DPM3: variants seen among roughly 807,000 people sequenced by gnomAD.
The protein encoded by DPM3 is dolichol-phosphate mannosyltransferase subunit 3.
In DPM3, 7 loss-of-function variants were observed where a neutral mutation model predicts 8.9. That is an observed-to-expected ratio of 0.79 (90% CI 0.45 to 1.48). DPM3 has a LOEUF of 1.48. Ranked by LOEUF, DPM3 falls within the 40% of genes most tolerant of loss-of-function variation. The pLI is 0.01. For missense variants in DPM3, 108 were observed against 116.2 expected (o/e 0.93, Z 0.33); for synonymous variants, 41 against 56.3 (o/e 0.73, Z 1.22).
Position 155,140,017 on chromosome 1 carries a change from T to G in DPM3, c.224A>C (p.Gln75Pro). The G allele has an allele frequency of 6.2e-7, 1 of 1,613,968 alleles. No individual in the cohort carries two copies. The highest frequency in any genetic ancestry group is 8.5e-7 in the Non-Finnish European group (1 of 1,180,020). Residue 75 changes from glutamine to proline, a missense_variant, in exon 2 of 2, where the codon CAG (glutamine) becomes CCG (proline). By Grantham distance (76) the Gln-to-Pro change is moderately conservative (BLOSUM62 -1). Transcript: ENST00000368400. Reference protein sequence around the residue: ...HDCEDAARELQSQIQEARADL... With the variant: ...HDCEDAARELPSQIQEARADL... ...GGCTCGGGCCTCCTGTATCTGGCTC[T>G]GCAGCTCGCGTGCGGCGTCCTCGCA...
chr1:155,139,927 G>A lies in DPM3; in HGVS notation c.*35C>T, dbSNP rs1391298806. The A allele has an allele frequency of 1.3e-6, 2 of 1,569,872 alleles. No homozygotes were observed. Among genetic ancestry groups the A allele is most frequent in the Non-Finnish European group, 1.7e-6 (2 of 1,158,412 alleles). On this transcript the variant is annotated 3_prime_UTR_variant, in exon 2 of 2. Transcript: ENST00000368400. ...ACTGGCTCTTTAATGGGAAATGGGA[G>A]GAAGGGCTGTCCGCACAGGAATGGG...
rs777586354 is a variant in DPM3, at chr1:155,139,993, G to A, written c.248C>T (p.Ala83Val). Residue 83 changes from alanine to valine, a missense_variant, in exon 2 of 2, where the codon GCC becomes GTC. Physicochemically the swap from Ala to Val is moderately conservative, Grantham distance 64 (BLOSUM62 0). Coordinates refer to ENST00000368400, the MANE Select transcript of DPM3 (RefSeq NM_153741.2). ...ELQSQIQEAR[A>V]DLARRGLRF ...GCGCAGCCCCCTGCGGGCTAAGTCG[G>A]CTCGGGCCTCCTGTATCTGGCTCTG... 8.7e-6 allele frequency: 14 copies of A among 1,613,128 alleles called. No individual in the cohort carries two copies. In the African/African-American group the frequency reaches 1.9e-4, roughly 22 times the overall value.
chr1:155,140,078 C>T lies in DPM3; in HGVS notation c.163G>A (p.Gly55Ser), dbSNP rs1427865540. The change falls in exon 2 of 2, where the codon GGC becomes AGC. Residue 55 changes from glycine to serine, a missense_variant. Coordinates refer to ENST00000368400, the MANE Select transcript of DPM3 (RefSeq NM_153741.2). ...LLVSAGCYALGTVGYRVATFH... is the reference protein window; with the variant it reads ...LLVSAGCYALSTVGYRVATFH... ...GTGGCCACACGATAGCCCACAGTGC[C>T]CAGGGCATAGCAGCCGGCGGACACC... 2.5e-6 allele frequency: 4 copies of T among 1,613,978 alleles called. No homozygotes were observed. In the African/African-American group the frequency reaches 4.0e-5, roughly 16 times the overall value.
At position 155,139,946 on chromosome 1, in the gene DPM3, G is replaced by A. The variant is rs1222009551; in HGVS notation, c.*16C>T. On this transcript the variant is annotated 3_prime_UTR_variant, in exon 2 of 2. Coordinates refer to ENST00000368400, the MANE Select transcript of DPM3 (RefSeq NM_153741.2). ...ATGGGAGGAAGGGCTGTCCGCACAG[G>A]AATGGGGTTAGGCTGTCAGAAGCGC... The A allele has an allele frequency of 6.3e-7, 1 of 1,595,148 alleles. No individual in the cohort carries two copies.
rs1553190791 is a variant in DPM3, at chr1:155,140,056, G to A, written c.185C>T (p.Ala62Val). ...GGCGTCCTCGCAGTCATGAAAAGTG[G>A]CCACACGATAGCCCACAGTGCCCAG... ...YALGTVGYRV[A>V]TFHDCEDAAR... Residue 62 changes from alanine to valine, a missense_variant, in exon 2 of 2, where the codon GCC (alanine) becomes GTC (valine). Transcript: ENST00000368400. The A allele has an allele frequency of 6.2e-7, 1 of 1,614,034 alleles. No individual in the cohort carries two copies. Among genetic ancestry groups the A allele is most frequent in the South Asian group, 1.1e-5 (1 of 91,080 alleles).
Position 155,140,241 on chromosome 1 carries a change from G to A in DPM3, c.-1C>T. On this transcript the variant is annotated 5_prime_UTR_variant, in exon 2 of 2. Transcript: ENST00000368400. ...AAAGCCACTGCGCTAATTTCGTCATGGTCACTGCGAGAGAAGGAAGCAATG... is the reference window on the plus strand; with the variant it reads ...AAAGCCACTGCGCTAATTTCGTCATAGTCACTGCGAGAGAAGGAAGCAATG... The A allele has an allele frequency of 6.2e-7, 1 of 1,613,926 alleles. No individual in the cohort carries two copies. The highest frequency in any genetic ancestry group is 1.1e-5 in the South Asian group (1 of 91,026).
rs779989757 is a variant in DPM3, at chr1:155,140,127, C to T, written c.114G>A (p.Leu38=). 6.2e-7 allele frequency: 1 copy of T among 1,614,154 alleles called. No individual in the cohort carries two copies. Among genetic ancestry groups the T allele is most frequent in the Non-Finnish European group, 8.5e-7 (1 of 1,180,044 alleles). ...CCAGCAAGTAGGCGGGCAGTGGCCA[C>T]AGGACTTCCTGGCAGGACAAGGGCA... ...LELPLSCQEV[L]WPLPAYLLVS... The change falls in exon 2 of 2, where the codon CTG becomes CTA. Residue 38 remains leucine (L), a synonymous_variant. Coordinates refer to ENST00000368400, the MANE Select transcript of DPM3 (RefSeq NM_153741.2).
chr1:155,140,404 G>A lies in DPM3; in HGVS notation c.-6+87C>T. On this transcript the variant is annotated intron_variant, in intron 1 of 1. Coordinates refer to ENST00000368400, the MANE Select transcript of DPM3 (RefSeq NM_153741.2). Reference sequence around the variant, plus strand: ...CTTGAGTGCCCACAAAAGGTGGAAGGGCCCCTTCCACCTTGCTACCCCCTC... The same window carrying A: ...CTTGAGTGCCCACAAAAGGTGGAAGAGCCCCTTCCACCTTGCTACCCCCTC... The A allele has an allele frequency of 6.5e-6, 5 of 769,442 alleles. No homozygotes were observed. The East Asian group carries it at 8.0e-5, about 12-fold the overall frequency. The allele number at this position is 769,442 out of a possible 1,614,324, so 47.7% of individuals were successfully genotyped here.
chr1:155,139,997 G>C lies in DPM3; in HGVS notation c.244C>G (p.Arg82Gly), dbSNP rs749000879. The change falls in exon 2 of 2, where the codon CGA becomes GGA. Residue 82 changes from arginine (R) to glycine (G), a missense_variant. Coordinates refer to ENST00000368400, the MANE Select transcript of DPM3 (RefSeq NM_153741.2). The stretch of plus-strand genomic sequence containing the variant: ...AGCCCCCTGCGGGCTAAGTCGGCTC[G>C]GGCCTCCTGTATCTGGCTCTGCAGC... Reference protein sequence around the residue: ...RELQSQIQEARADLARRGLRF With the variant: ...RELQSQIQEAGADLARRGLRF 6.2e-7 allele frequency: 1 copy of C among 1,613,192 alleles called. No individual in the cohort carries two copies. The highest frequency in any genetic ancestry group is 1.1e-5 in the South Asian group (1 of 91,024).
At chr1:155,140,308 C>A in intron 1 of DPM3, 63 bp from the exon 2 acceptor site, 1 of 1,559,224 alleles carries the variant, frequency 6.4e-7, no homozygotes, top group Non-Finnish European at 8.8e-7. Flanking sequence ...CAAACTCAAC[C>A]GAAGCCCGCC....
At position 155,140,063 on chromosome 1, in the gene DPM3, G is replaced by A. The variant is rs766751249; in HGVS notation, c.178C>T (p.Arg60Cys). The change falls in exon 2 of 2, where the codon CGT becomes TGT. Residue 60 changes from arginine to cysteine, a missense_variant. Transcript: ENST00000368400. The stretch of plus-strand genomic sequence containing the variant: ...TCGCAGTCATGAAAAGTGGCCACAC[G>A]ATAGCCCACAGTGCCCAGGGCATAG... ...GCYALGTVGY[R>C]VATFHDCEDA... 28 of 1,613,934 alleles carry A rather than the reference G, an allele frequency of 1.7e-5. No individual in the cohort carries two copies. The highest frequency in any genetic ancestry group is 2.3e-5 in the Non-Finnish European group (27 of 1,180,046).
Position 155,140,140 on chromosome 1 carries a change from C to G in DPM3, c.101G>C (p.Cys34Ser). Residue 34 changes from cysteine (C) to serine (S), a missense_variant, in exon 2 of 2, where the codon TGC (cysteine) becomes TCC (serine). Transcript: ENST00000368400. ...GGGCAGTGGCCACAGGACTTCCTGG[C>G]AGGACAAGGGCAGCTCCAGGCCCAA... ...GALGLELPLS[C>S]QEVLWPLPAY... is the part of the protein sequence containing the mutation. 1 of 1,614,130 alleles carries G rather than the reference C, an allele frequency of 6.2e-7. No individual in the cohort carries two copies. The highest frequency in any genetic ancestry group is 1.3e-5 in the African/African-American group (1 of 75,062).
chr1:155,140,257 G>C lies in DPM3; in HGVS notation c.-5-12C>G, dbSNP rs1664706605. 3.1e-6 allele frequency: 5 copies of C among 1,613,490 alleles called. No individual in the cohort carries two copies. In the South Asian group the frequency reaches 5.5e-5, roughly 18 times the overall value. On this transcript the variant is annotated splice_polypyrimidine_tract_variant and intron_variant, in intron 1 of 1. Transcript: ENST00000368400. ...TTTCGTCATGGTCACTGCGAGAGAAGGAAGCAATGCTCCCCTGAGGAGCAG... is the reference window on the plus strand; with the variant it reads ...TTTCGTCATGGTCACTGCGAGAGAACGAAGCAATGCTCCCCTGAGGAGCAG...
Position 155,139,893 on chromosome 1 carries a change from A to G in DPM3, c.*69T>C. Reference sequence around the variant, plus strand: ...TTCCATACTCAAACTAAACGAAGTTAGAAAATAAACTGGCTCTTTAATGGG... The same window carrying G: ...TTCCATACTCAAACTAAACGAAGTTGGAAAATAAACTGGCTCTTTAATGGG... On this transcript the variant is annotated 3_prime_UTR_variant, in exon 2 of 2. Coordinates refer to ENST00000368400, the MANE Select transcript of DPM3 (RefSeq NM_153741.2). 6.6e-7 allele frequency: 1 copy of G among 1,519,288 alleles called. No individual in the cohort carries two copies. The highest frequency in any genetic ancestry group is 1.4e-5 in the African/African-American group (1 of 72,290). The allele number at this position is 1,519,288 out of a possible 1,614,324, so 94.1% of individuals were successfully genotyped here. A position where few individuals can be genotyped will look rare whatever the true frequency, so the allele number is the denominator to read the frequency against.
rs762019309 is a variant in DPM3 at position 155,139,961 on chromosome 1, G to A, written c.*1C>T. The A allele has an allele frequency of 1.9e-6, 3 of 1,608,214 alleles. No homozygotes were observed. The highest frequency in any genetic ancestry group is 1.1e-5 in the South Asian group (1 of 90,776). ...GTCCGCACAGGAATGGGGTTAGGCT[G>A]TCAGAAGCGCAGCCCCCTGCGGGCT... On this transcript the variant is annotated 3_prime_UTR_variant, in exon 2 of 2. Transcript: ENST00000368400.
intron 1 of DPM3, 24 bp from the exon 2 acceptor site, chr1:155,140,269 C>G (rs776057897): frequency 6.2e-7 from 1 of 1,612,412 alleles, no homozygotes; most frequent in South Asian, 1.1e-5. Flanking sequence ...AAGCAATGCT[C>G]CCCTGAGGAG....
intron 1 of DPM3, 27 bp downstream of exon 1, chr1:155,140,464 C>G: frequency 1.4e-6 from 1 of 708,242 alleles, no homozygotes; most frequent in Non-Finnish European, 2.6e-6. Context: ...TCTCGCCCTC[C>G]CCATTCAGCC....
Position 155,140,108 on chromosome 1 carries a change from A to T in DPM3, c.133T>A (p.Leu45Met). 1.2e-6 allele frequency: 2 copies of T among 1,614,154 alleles called. No homozygotes were observed. Among genetic ancestry groups the T allele is most frequent in the Non-Finnish European group, 1.7e-6 (2 of 1,180,044 alleles). The change falls in exon 2 of 2, where the codon TTG becomes ATG. Residue 45 changes from leucine (L) to methionine (M), a missense_variant. Leu to Met is a conservative substitution (Grantham distance 15). Coordinates refer to ENST00000368400, the MANE Select transcript of DPM3 (RefSeq NM_153741.2). ...QEVLWPLPAY[L>M]LVSAGCYALG... Reference sequence around the variant, plus strand: ...GCATAGCAGCCGGCGGACACCAGCAAGTAGGCGGGCAGTGGCCACAGGACT... The same window carrying T: ...GCATAGCAGCCGGCGGACACCAGCATGTAGGCGGGCAGTGGCCACAGGACT...
In DPM3 at chr1:155,140,227, G is replaced by A. The variant is rs1664705864; in HGVS notation, c.14C>T (p.Ala5Val). ...GATCGCTAGTCCCCAAAGCCACTGCGCTAATTTCGTCATGGTCACTGCGAG... is the reference window on the plus strand; with the variant it reads ...GATCGCTAGTCCCCAAAGCCACTGCACTAATTTCGTCATGGTCACTGCGAG... MTKL[A>V]QWLWGLAILG... The change falls in exon 2 of 2, where the codon GCG becomes GTG. Residue 5 changes from alanine (A) to valine (V), a missense_variant. Transcript: ENST00000368400. 2.5e-6 allele frequency: 4 copies of A among 1,613,994 alleles called. No homozygotes were observed. The highest frequency in any genetic ancestry group is 1.3e-5 in the African/African-American group (1 of 74,924).
Sources: allele counts gnomAD v4.1 joint callset, GRCh38; gene constraint gnomAD v4.1.1; transcripts MANE v1.5; gene names NCBI Gene and HGNC (gene_info 2026-07-23, HGNC 2026-07-21).